Variants in PLXNA1 observed in about 807,000 individuals in gnomAD.
The protein encoded by PLXNA1 is plexin A1, also known as plexin-A1.
PLXNA1 carries 77 observed loss-of-function variants against 191.7 expected under a neutral mutation model. The ratio of observed to expected loss-of-function variants is 0.40; its 90% CI spans 0.33 to 0.49. The LOEUF (loss-of-function observed/expected upper bound fraction) is 0.49. PLXNA1 is among the 20% of genes least tolerant of loss of function. The pLI is 0.63. For missense variants in PLXNA1, 2,110 were observed against 2,660.2 expected (o/e 0.79, Z 4.55); for synonymous variants, 1,137 against 1,156.4 (o/e 0.98, Z 0.34).
chr3:127,008,396 A>G (rs9881212), intron 9 of PLXNA1, among the ~76,000 whole-genome samples: 151,781 of 152,196 alleles, frequency 1, 75,687 homozygotes, highest in Middle Eastern at 1. Flanking sequence ...TTCTGGAGTC[A>G]CCAGGCGCTG....
At position 127,003,489 on chromosome 3, in the gene PLXNA1, AGAC is replaced by A; in HGVS notation, c.1518+21_1518+23del. The A allele has an allele frequency of 6.3e-7, 1 of 1,576,894 alleles. No homozygotes were observed. The highest frequency in any genetic ancestry group is 8.7e-7 in the Non-Finnish European group (1 of 1,154,006). ...GAAGCAGGTGGGTGCTGCACCAGTC[AGAC>A]GGTGTGGCTGAAGGTGGGGGCCCTC... On this transcript the variant is annotated intron_variant, in intron 4 of 31. Transcript: ENST00000393409.
intron 1 of PLXNA1, among the ~76,000 whole-genome samples, chr3:126,986,296 G>T (rs895706303): frequency 1.3e-4 from 20 of 152,228 alleles, no homozygotes; most frequent in Non-Finnish European, 2.5e-4. Flanking sequence ...TCTGAGGCGG[G>T]GGCGGGAGTG....
At position 126,989,190 on chromosome 3, in the gene PLXNA1, C is replaced by G. The variant is rs540273647; in HGVS notation, c.597C>G (p.Pro199=). The change falls in exon 2 of 32, where the codon CCC becomes CCG. Residue 199 remains proline (P), a synonymous_variant. Transcript: ENST00000393409. ...TCGATGGCAAGTCCGAGTACTTCCC[C>G]ACACTGTCCAGCCGTCGGCTCATGG... ...TPIDGKSEYF[P]TLSSRRLMAN... 2 of 1,613,598 alleles carry G rather than the reference C, an allele frequency of 1.2e-6. No individual in the cohort carries two copies. Among genetic ancestry groups the G allele is most frequent in the East Asian group, 2.2e-5 (1 of 44,884 alleles).
At chr3:126,991,686 G>A in intron 3 of PLXNA1, 120 bp downstream of exon 3, 1 of 1,084,582 alleles carries the variant, frequency 9.2e-7, no homozygotes, top group Non-Finnish European at 1.3e-6. Context: ...CTGGCGTACA[G>A]GGGGCAGGGG....
intron 3 of PLXNA1, among the ~76,000 whole-genome samples, chr3:126,999,072 G>T (rs1323067573): frequency 6.6e-6 from 1 of 152,202 alleles, no homozygotes; most frequent in Admixed American, 6.5e-5. Flanking sequence ...TCCTGTGAGG[G>T]GTGAGGAGGG....
Position 127,004,630 on chromosome 3 carries a change from A to C in PLXNA1, c.1538A>C (p.Glu513Ala), listed in dbSNP as rs1283167156. ...CACCAGGTGACGCGGGTGCCTGTGGAGAGCTGTGTGCAGTACACGTCCTGT... is the reference window on the plus strand; with the variant it reads ...CACCAGGTGACGCGGGTGCCTGTGGCGAGCTGTGTGCAGTACACGTCCTGT... ...TEKQVTRVPV[E>A]SCVQYTSCEL... is the part of the protein sequence containing the mutation. Residue 513 changes from glutamate to alanine, a missense_variant, in exon 5 of 32, where the codon GAG (glutamate) becomes GCG (alanine). Glu to Ala is a moderately radical substitution (Grantham distance 107, BLOSUM62 -1). Around this residue, in one of 4 missense-constraint regions of PLXNA1, gnomAD observed 903 missense variants for 1,015.7 expected, o/e 0.89. Coordinates refer to ENST00000393409, the MANE Select transcript of PLXNA1 (RefSeq NM_032242.4). 2.5e-6 allele frequency: 4 copies of C among 1,577,600 alleles called. No homozygotes were observed. The highest frequency in any genetic ancestry group is 4.6e-5 in the East Asian group (2 of 43,374).
chr3:127,020,676 T>C (rs560953711), intron 21 of PLXNA1, among the ~76,000 whole-genome samples: 1 of 152,212 alleles, frequency 6.6e-6, no homozygotes, highest in African/African-American at 2.4e-5. Flanking sequence ...AGCAAACCAC[T>C]TGTCAGCCTG....
chr3:127,013,492 G>A (rs534327432), intron 10 of PLXNA1, among the ~76,000 whole-genome samples: 13 of 152,318 alleles, frequency 8.5e-5, no homozygotes, highest in African/African-American at 2.2e-4. Context: ...CCAGGCTCCC[G>A]GGGAGGGGCA....
At chr3:126,993,848 C>T (rs919439140) in intron 3 of PLXNA1, among the ~76,000 whole-genome samples, 5 of 152,218 alleles carry the variant, frequency 3.3e-5, no homozygotes, top group Non-Finnish European at 5.9e-5. Flanking sequence ...ACTCTTTCAC[C>T]CAAATCCACC....
In PLXNA1 at chr3:126,989,804, C is replaced by A; in HGVS notation, c.1194+17C>A. Reference sequence around the variant, plus strand: ...ATCAACTCGGTGAGTTGGGCAGGGGCGCCCCTCCTCCCGCGGCCCCATCCC... The same window carrying A: ...ATCAACTCGGTGAGTTGGGCAGGGGAGCCCCTCCTCCCGCGGCCCCATCCC... On this transcript the variant is annotated intron_variant, in intron 2 of 31. Transcript: ENST00000393409. 2 of 1,580,088 alleles carry A rather than the reference C, an allele frequency of 1.3e-6. No individual in the cohort carries two copies. Among genetic ancestry groups the A allele is most frequent in the Non-Finnish European group, 8.6e-7 (1 of 1,158,836 alleles).
intron 3 of PLXNA1, among the ~76,000 whole-genome samples, chr3:126,995,952 G>T (rs2079013097): frequency 6.6e-6 from 1 of 152,190 alleles, no homozygotes; most frequent in African/African-American, 2.4e-5. Context: ...CTGCACAGAG[G>T]CTGCAGCTGC....
At chr3:127,023,847 G>T (rs535992364) in intron 23 of PLXNA1, among the ~76,000 whole-genome samples, 2 of 152,070 alleles carry the variant, frequency 1.3e-5, no homozygotes, top group African/African-American at 4.8e-5. Flanking sequence ...AAGACCAGGC[G>T]GGGGGAGGGA....
rs796404183 is a variant in PLXNA1, at chr3:127,035,403, C to G, written c.*1386C>G. 3.9e-5 allele frequency: 6 copies of G among 152,386 alleles called. No homozygotes were observed. Among genetic ancestry groups the G allele is most frequent in the African/African-American group, 1.4e-4 (6 of 41,548 alleles). The allele number at this position is 152,386 out of a possible 1,614,324, so 9.4% of individuals were successfully genotyped here. On this transcript the variant is annotated 3_prime_UTR_variant, in exon 32 of 32. Transcript: ENST00000393409. ...TGGCCGGAGCCTCCCTGGAGTGGAG[C>G]AGCCCTGAAGCCTGTGCCCCCCGAC... is the stretch of plus-strand genomic sequence containing the variant.
chr3:126,988,711 C>G lies in PLXNA1; in HGVS notation c.118C>G (p.Pro40Ala), dbSNP rs372314843. ...CAGGGCAGGCGGGGGTTCACAGCCC[C>G]CCTTCCGCACCTTCTCGGCCAGCGA... ...LPRAGGGSQP[P>A]FRTFSASDWG... The change falls in exon 2 of 32, where the codon CCC becomes GCC. Residue 40 changes from proline (P) to alanine (A), a missense_variant. By Grantham distance (27) the Pro-to-Ala change is conservative. This residue lies in a region of PLXNA1 where 903 missense variants were observed against 1,015.7 expected (regional missense o/e 0.89). Coordinates refer to ENST00000393409, the MANE Select transcript of PLXNA1 (RefSeq NM_032242.4). The G allele has an allele frequency of 4.1e-4, 645 of 1,573,680 alleles. 4 individuals are homozygous for G. The South Asian group carries it at 7.3e-3, about 18-fold the overall frequency.
At chr3:126,999,175 G>A (rs536236450) in intron 3 of PLXNA1, among the ~76,000 whole-genome samples, 24 of 152,280 alleles carry the variant, frequency 1.6e-4, no homozygotes, top group Middle Eastern at 3.4e-3. Context: ...TGGGGGTCCT[G>A]AGAAGAGAGG....
Position 127,034,069 on chromosome 3 carries a change from G to C in PLXNA1, c.*52G>C. 1 of 1,474,962 alleles carries C rather than the reference G, an allele frequency of 6.8e-7. No homozygotes were observed. The highest frequency in any genetic ancestry group is 9.2e-7 in the Non-Finnish European group (1 of 1,081,308). The allele number at this position is 1,474,962 out of a possible 1,614,324, so 91.4% of individuals were successfully genotyped here. A position where few individuals can be genotyped will look rare whatever the true frequency, so the allele number is the denominator to read the frequency against. ...TGCAGCGTGAGGACAGCTGAGCAGG[G>C]ACCGGGACAGCCCTCACCGCATGCG... On this transcript the variant is annotated 3_prime_UTR_variant, in exon 32 of 32. Coordinates refer to ENST00000393409, the MANE Select transcript of PLXNA1 (RefSeq NM_032242.4).
chr3:127,001,466 G>T (rs1443896298), intron 3 of PLXNA1, among the ~76,000 whole-genome samples: 1 of 152,226 alleles, frequency 6.6e-6, no homozygotes, highest in East Asian at 1.9e-4. Context: ...ATCCCCTGGT[G>T]CTGGTAGGGG....
intron 12 of PLXNA1, 45 bp downstream of exon 12, chr3:127,014,420 A>T: frequency 6.4e-7 from 1 of 1,570,466 alleles, no homozygotes. Context: ...CCCGCCCTGC[A>T]CCACCGCACA....
At chr3:127,027,806 C>A in intron 23 of PLXNA1, 134 bp from the exon 24 acceptor site, 1 of 1,203,348 alleles carries the variant, frequency 8.3e-7, no homozygotes, top group Non-Finnish European at 1.2e-6. Context: ...GCTGTACTTG[C>A]CTCCCAAAGA....
Sources: allele counts gnomAD v4.1 joint callset (sites outside exome capture counted in the v4.1 genomes callset), GRCh38; gene constraint gnomAD v4.1.1; regional missense constraint gnomAD v4.1.1; transcripts MANE v1.5; gene names NCBI Gene and HGNC (gene_info 2026-07-23, HGNC 2026-07-21).